Variants in STPG2 observed in about 807,000 individuals in gnomAD.
The protein encoded by STPG2 is sperm-tail PG-rich repeat-containing protein 2.
A neutral mutation model predicts 54.2 loss-of-function variants in STPG2; 56 were observed. The observed-to-expected ratio is 1.03, with a 90% CI of 0.83 to 1.29. The LOEUF is 1.29. Ranked by LOEUF, STPG2 falls within the 50% of genes most tolerant of loss-of-function variation. The pLI is 0.00. For synonymous variants in STPG2, 200 were observed against 181.8 expected (o/e 1.10, Z -0.81); for missense variants, 596 against 544.9 (o/e 1.09, Z -0.93).
chr4:97,899,361 T>C (rs932055768), intron 8 of STPG2, among the ~76,000 whole-genome samples: 3 of 152,032 alleles, frequency 2.0e-5, no homozygotes, highest in African/African-American at 7.2e-5. Flanking sequence ...TGCTCATGGA[T>C]AGGAAGAATC....
intron 8 of STPG2, among the ~76,000 whole-genome samples, chr4:97,905,293 G>A (rs921474554): frequency 6.6e-6 from 1 of 152,106 alleles, no homozygotes; most frequent in Non-Finnish European, 1.5e-5. Flanking sequence ...GACAGTGGGG[G>A]CCAATATTCA....
At chr4:97,622,365 T>C (rs1734034043) in intron 10 of STPG2, among the ~76,000 whole-genome samples, 1 of 152,188 alleles carries the variant, frequency 6.6e-6, no homozygotes, top group African/African-American at 2.4e-5. Context: ...TATGACTCTA[T>C]ACCTAGAAAA....
At chr4:97,616,048 ATACATATAAATATATATATATATAT>A (rs1366783591) in intron 10 of STPG2, among the ~76,000 whole-genome samples, 7 of 91,890 alleles carry the variant, frequency 7.6e-5, no homozygotes, top group Non-Finnish European at 1.5e-4. Context: ...AAAAAAAAAA[ATACATATAAATATATATATATATAT>A]ATATATATAT....
intron 8 of STPG2, among the ~76,000 whole-genome samples, chr4:97,930,462 G>A (rs1732501782): frequency 6.6e-6 from 1 of 152,166 alleles, no homozygotes. Flanking sequence ...GTTCTTGTCA[G>A]ATTTGTTGAA....
intron 9 of STPG2, among the ~76,000 whole-genome samples, chr4:97,723,480 T>C (rs1358454828): frequency 6.6e-6 from 1 of 152,184 alleles, no homozygotes; most frequent in African/African-American, 2.4e-5. Flanking sequence ...TGATTTCTTT[T>C]TAATTAAAAA....
At chr4:97,539,341 G>C (rs935945695) in intron 4 of STPG2, among the ~76,000 whole-genome samples, 1 of 152,158 alleles carries the variant, frequency 6.6e-6, no homozygotes, top group African/African-American at 2.4e-5. Flanking sequence ...GAAAGGGATG[G>C]AGGAAGATCT....
At chr4:97,714,721 C>T (rs1041670034) in intron 9 of STPG2, among the ~76,000 whole-genome samples, 17 of 151,956 alleles carry the variant, frequency 1.1e-4, no homozygotes, top group African/African-American at 3.4e-4. Context: ...AATATATCAT[C>T]GACCATAGTA....
intron 5 of STPG2, among the ~76,000 whole-genome samples, chr4:98,070,945 T>G (rs550587173): frequency 6.6e-6 from 1 of 151,706 alleles, no homozygotes; most frequent in Admixed American, 6.5e-5. Flanking sequence ...CCAAAGTAAT[T>G]TACAGATTCA....
chr4:98,034,302 T>G (rs929030447), intron 5 of STPG2, among the ~76,000 whole-genome samples: 5 of 151,230 alleles, frequency 3.3e-5, no homozygotes, highest in South Asian at 2.1e-4. Context: ...TTCCTATACA[T>G]CAATAACAGA....
chr4:98,034,225 C>T (rs13138229), intron 5 of STPG2, among the ~76,000 whole-genome samples: 59,926 of 151,950 alleles, frequency 0.39, 12,046 homozygotes, highest in Middle Eastern at 0.46. Flanking sequence ...CCCAAAATCT[C>T]CTCAAGCTGA....
At chr4:97,796,047 GT>G (rs1727164461) in intron 9 of STPG2, among the ~76,000 whole-genome samples, 1 of 152,052 alleles carries the variant, frequency 6.6e-6, no homozygotes, top group East Asian at 1.9e-4. Context: ...AGATGGGGTT[GT>G]TTGTTTTTTT....
At chr4:97,829,537 G>T (rs537548421) in intron 9 of STPG2, among the ~76,000 whole-genome samples, 1 of 152,074 alleles carries the variant, frequency 6.6e-6, no homozygotes, top group Non-Finnish European at 1.5e-5. Context: ...ATGAATTGAC[G>T]GAAGTACACT....
At chr4:97,619,172 T>G (rs1023757258) in intron 10 of STPG2, among the ~76,000 whole-genome samples, 4 of 152,278 alleles carry the variant, frequency 2.6e-5, no homozygotes, top group African/African-American at 9.6e-5. Flanking sequence ...AATGTCAAAG[T>G]ATCCCTATTC....
chr4:98,123,903 C>T (rs1739756026), intron 3 of STPG2, among the ~76,000 whole-genome samples: 1 of 152,172 alleles, frequency 6.6e-6, no homozygotes, highest in Non-Finnish European at 1.5e-5. Flanking sequence ...ATACTTAGCT[C>T]TTCTTGTTGA....
intron 8 of STPG2, among the ~76,000 whole-genome samples, chr4:97,911,734 C>T (rs780379183): frequency 6.6e-6 from 1 of 152,164 alleles, no homozygotes; most frequent in Non-Finnish European, 1.5e-5. Flanking sequence ...AAGGTCTTCA[C>T]GGTTCAGCAG....
chr4:97,645,175 C>G (rs1281310588), intron 10 of STPG2, among the ~76,000 whole-genome samples: 1 of 150,856 alleles, frequency 6.6e-6, no homozygotes, highest in Admixed American at 6.6e-5. Flanking sequence ...ACATAAAAGA[C>G]AGATGGAGAA....
intron 4 of STPG2, among the ~76,000 whole-genome samples, chr4:97,473,545 A>G (rs1352099439): frequency 2.0e-5 from 3 of 152,162 alleles, no homozygotes; most frequent in Non-Finnish European, 2.9e-5. Flanking sequence ...GTTATCAATG[A>G]CAATGCGTGC....
intron 10 of STPG2, among the ~76,000 whole-genome samples, chr4:97,609,966 A>C (rs1482270467): frequency 6.6e-6 from 1 of 151,916 alleles, no homozygotes; most frequent in Admixed American, 6.6e-5. Context: ...TTTTGATGTT[A>C]TACATGTGTA....
chr4:97,713,819 G>A (rs909329909), intron 9 of STPG2, among the ~76,000 whole-genome samples: 5 of 152,136 alleles, frequency 3.3e-5, no homozygotes, highest in South Asian at 4.1e-4. Context: ...TGACTTCACA[G>A]AGAGAAGATA....
Sources: allele counts gnomAD v4.1 joint callset (sites outside exome capture counted in the v4.1 genomes callset), GRCh38; gene constraint gnomAD v4.1.1; transcripts MANE v1.5; gene names NCBI Gene and HGNC (gene_info 2026-07-23, HGNC 2026-07-21).